The following RORA variants were observed in gnomAD, a reference collection of about 807,000 sequenced individuals.
RORA encodes the protein RAR related orphan receptor A.
A neutral mutation model predicts 69.5 loss-of-function variants in RORA; 7 were observed. The ratio of observed to expected loss-of-function variants is 0.10; its 90% CI spans 0.06 to 0.19. The LOEUF (loss-of-function observed/expected upper bound fraction) is 0.19, where lower values mean the gene tolerates loss of function less well. RORA is among the 10% of genes least tolerant of loss of function. The pLI is 1.00. For synonymous variants in RORA, 261 were observed against 240.8 expected (o/e 1.08, Z -0.78); for missense variants, 457 against 663.0 (o/e 0.69, Z 3.41).
chr15:61,085,181 C>A (rs2078604630), intron 1 of RORA, among the ~76,000 whole-genome samples: 1 of 152,140 alleles, frequency 6.6e-6, no homozygotes, highest in Non-Finnish European at 1.5e-5. Flanking sequence ...AGTCACAAAC[C>A]CTTTCCTTTG....
intron 1 of RORA, among the ~76,000 whole-genome samples, chr15:61,016,087 A>C (rs186490133): frequency 2.3e-4 from 35 of 152,316 alleles, no homozygotes; most frequent in African/African-American, 7.5e-4. Context: ...CGGTGTAAAA[A>C]CAAGAACATT....
At chr15:60,659,905 T>G (rs1282556114) in intron 2 of RORA, among the ~76,000 whole-genome samples, 1 of 152,222 alleles carries the variant, frequency 6.6e-6, no homozygotes, top group Non-Finnish European at 1.5e-5. Context: ...AAAGTAAATC[T>G]TGGATATCTT....
intron 2 of RORA, among the ~76,000 whole-genome samples, chr15:60,586,533 G>A (rs955257513): frequency 1.3e-5 from 2 of 152,140 alleles, no homozygotes; most frequent in Non-Finnish European, 2.9e-5. Flanking sequence ...TCATTTGAAA[G>A]ATGGATTAAA....
chr15:61,061,475 G>A lies in RORA; in HGVS notation c.166+167578C>T, dbSNP rs2140544284. Among the ~76,000 whole-genome samples the A allele has an allele frequency of 6.6e-6, 1 of 152,252 alleles. No individual in the cohort carries two copies. Among genetic ancestry groups the A allele is most frequent in the South Asian group, 2.1e-4 (1 of 4,818 alleles). On this transcript the variant is annotated intron_variant, in intron 1 of 10. Coordinates refer to ENST00000335670, the MANE Select transcript of RORA (RefSeq NM_134261.3). The surrounding 1 kb of genome is among the most constrained non-coding windows in gnomAD (Gnocchi z 4.4). ...CTGTTGTTGCTGACCTGAGAGCTAT[G>A]GATGCTGTGAGCAGGGGCTTGGTAG...
intron 1 of RORA, among the ~76,000 whole-genome samples, chr15:61,127,980 AG>A (rs981522133): frequency 9.8e-5 from 15 of 152,338 alleles, no homozygotes; most frequent in African/African-American, 3.6e-4. Flanking sequence ...GCTATAGGAC[AG>A]GTGCTAATTA....
chr15:61,010,189 T>C (rs1480705086), intron 1 of RORA, among the ~76,000 whole-genome samples: 2 of 152,180 alleles, frequency 1.3e-5, no homozygotes, highest in Admixed American at 6.5e-5. Context: ...TAAATCTGCC[T>C]TATGAAAATC....
chr15:60,770,302 T>A (rs2140880529), intron 1 of RORA, among the ~76,000 whole-genome samples: 1 of 152,326 alleles, frequency 6.6e-6, no homozygotes. Context: ...GTTGTGCCTA[T>A]TATGTCTGAT....
intron 1 of RORA, among the ~76,000 whole-genome samples, chr15:60,844,124 A>G (rs1180633444): frequency 1.3e-5 from 2 of 151,976 alleles, no homozygotes; most frequent in East Asian, 3.9e-4. Context: ...CTTCTCTCCT[A>G]GTCCCCTCAC....
chr15:61,060,212 C>A (rs1348621068), intron 1 of RORA, among the ~76,000 whole-genome samples: 1 of 152,176 alleles, frequency 6.6e-6, no homozygotes, highest in Non-Finnish European at 1.5e-5. Flanking sequence ...CAGGGAGAGA[C>A]AGAGTTCACA....
intron 1 of RORA, among the ~76,000 whole-genome samples, chr15:60,753,014 T>C (rs999026738): frequency 3.9e-5 from 6 of 152,338 alleles, no homozygotes; most frequent in Non-Finnish European, 7.4e-5. Flanking sequence ...TGAATTTTTT[T>C]ACTCTGTGAG....
At chr15:60,500,688 G>C (rs2065304400) in intron 9 of RORA, among the ~76,000 whole-genome samples, 1 of 152,174 alleles carries the variant, frequency 6.6e-6, no homozygotes, top group African/African-American at 2.4e-5. Flanking sequence ...CTTGGTATCA[G>C]GAGGTTAATT....
intron 1 of RORA, chr15:61,176,305 G>A (rs2079628967): frequency 1.3e-5 from 2 of 152,260 alleles, no homozygotes; most frequent in South Asian, 4.1e-4. Flanking sequence ...AAACTCTGTT[G>A]ATACAGGAGT....
At chr15:60,549,547 G>A (rs547115061) in intron 2 of RORA, among the ~76,000 whole-genome samples, 10 of 152,276 alleles carry the variant, frequency 6.6e-5, no homozygotes, top group Admixed American at 4.6e-4. Context: ...TACAGTGGTA[G>A]TATACTATTT....
intron 2 of RORA, among the ~76,000 whole-genome samples, chr15:60,620,407 A>T (rs1343968663): frequency 6.6e-6 from 1 of 152,224 alleles, no homozygotes; most frequent in Non-Finnish European, 1.5e-5. Flanking sequence ...CGTCATGAGG[A>T]TCAAATGAGT....
At chr15:60,709,874 G>T (rs2071119161) in intron 1 of RORA, among the ~76,000 whole-genome samples, 1 of 152,160 alleles carries the variant, frequency 6.6e-6, no homozygotes, top group African/African-American at 2.4e-5. Context: ...TGGAAAAATT[G>T]TCTTCCATGA....
chr15:61,011,368 C>T (rs1020567987), intron 1 of RORA, among the ~76,000 whole-genome samples: 2 of 152,142 alleles, frequency 1.3e-5, no homozygotes, highest in Non-Finnish European at 2.9e-5. Context: ...GGAAGGAACT[C>T]TAATAATGAT....
At chr15:61,209,392 G>A (rs2079970618) in intron 1 of RORA, among the ~76,000 whole-genome samples, 2 of 152,230 alleles carry the variant, frequency 1.3e-5, no homozygotes, top group East Asian at 3.9e-4. Flanking sequence ...CCATGCCTAA[G>A]ATAAAATACA....
intron 1 of RORA, among the ~76,000 whole-genome samples, chr15:60,733,022 C>A (rs2071449482): frequency 6.6e-6 from 1 of 152,190 alleles, no homozygotes; most frequent in Non-Finnish European, 1.5e-5. Flanking sequence ...GGAAAATAAG[C>A]ACACACCTGC....
chr15:61,019,617 A>T (rs1332107098), intron 1 of RORA, among the ~76,000 whole-genome samples: 1 of 151,896 alleles, frequency 6.6e-6, no homozygotes, highest in Admixed American at 6.6e-5. Flanking sequence ...AGGGGGGGAA[A>T]CCTGTCCTGC....
Sources: gnomAD v4.1 joint callset for allele counts (sites outside exome capture counted in the v4.1 genomes callset) on GRCh38, gnomAD v4.1.1 for gene constraint, Gnocchi (gnomAD v3.1) non-coding constraint, MANE v1.5 for transcripts, NCBI Gene and HGNC (gene_info 2026-07-23, HGNC 2026-07-21) for gene names.